The following ERI1 variants were observed in gnomAD, a reference collection of about 807,000 sequenced individuals.
ERI1 encodes the protein 3'-5' exoribonuclease 1.
A neutral mutation model predicts 39.7 loss-of-function variants in ERI1; 39 were observed. That is an observed-to-expected ratio of 0.98 (90% CI 0.76 to 1.28). The LOEUF (loss-of-function observed/expected upper bound fraction) is 1.28. Ranked by LOEUF, ERI1 falls within the 50% of genes most tolerant of loss-of-function variation. ERI1 has a pLI of 0.00. For synonymous variants in ERI1, 204 were observed against 149.6 expected, an observed-to-expected ratio of 1.36 and a Z score of -2.65; for missense variants, 581 against 416.9, an observed-to-expected ratio of 1.39 and a Z score of -3.43.
At chr8:9,066,922 C>T (rs1000771137) in intron 3 of ERI1, among the ~76,000 whole-genome samples, 8 of 152,000 alleles carry the variant, frequency 5.3e-5, no homozygotes, top group Admixed American at 6.6e-5. Flanking sequence ...GAAGCACGAA[C>T]GGTGACAGTC....
At chr8:9,084,499 A>C (rs934417141) in intron 3 of ERI1, among the ~76,000 whole-genome samples, 5 of 151,966 alleles carry the variant, frequency 3.3e-5, no homozygotes, top group African/African-American at 4.8e-5. Context: ...CAAATCCCCA[A>C]ATTTGCATTT....
In ERI1 at chr8:9,032,843, G is replaced by C. The variant is rs1322755653; in HGVS notation, c.*2809G>C. The C allele has an allele frequency of 1.3e-5, 2 of 152,188 alleles. No homozygotes were observed. Among genetic ancestry groups the C allele is most frequent in the Non-Finnish European group, 2.9e-5 (2 of 68,034 alleles). The allele number at this position is 152,188 out of a possible 1,614,324, so 9.4% of individuals were successfully genotyped here. A position where few individuals can be genotyped will look rare whatever the true frequency, so the allele number is the denominator to read the frequency against. ...GCTGTAGTTGCCAAAGAAACTACCT[G>C]CCTCACAGATGAGCACGCACGGGTG... On this transcript the variant is annotated 3_prime_UTR_variant, in exon 7 of 7. Coordinates refer to ENST00000250263, the MANE Select transcript of ERI1 (RefSeq NM_153332.4).
intron 2 of ERI1, among the ~76,000 whole-genome samples, chr8:9,009,611 C>G (rs1236817537): frequency 6.6e-6 from 1 of 150,706 alleles, no homozygotes; most frequent in African/African-American, 2.4e-5. Flanking sequence ...GTGATCTCGG[C>G]TCACTGCAAC....
rs140416858 is a variant in ERI1 at position 9,077,983 on chromosome 8, T to G, written n.300-38365T>G. On this transcript the variant is annotated intron_variant and non_coding_transcript_variant, in intron 3 of 3. Coordinates refer to the ERI1 transcript ENST00000518663. ...CTTGGTGACACTGATCCAGCCTATCTTTTTTTCTTTTTTCTTTTTCTTTTG... is the reference window on the plus strand; with the variant it reads ...CTTGGTGACACTGATCCAGCCTATCGTTTTTTCTTTTTTCTTTTTCTTTTG... 2.4e-3 allele frequency among the ~76,000 whole-genome samples: 363 copies of G among 152,294 alleles called. 2 individuals are homozygous for G. The highest frequency in any genetic ancestry group is 3.7e-3 in the Non-Finnish European group (253 of 68,018).
chr8:9,060,832 C>T (rs942651766), intron 3 of ERI1, among the ~76,000 whole-genome samples: 3 of 152,120 alleles, frequency 2.0e-5, no homozygotes, highest in African/African-American at 7.2e-5. Context: ...GGATCTGATG[C>T]GTTTTGATGC....
chr8:9,049,597 G>C (rs1227331451), intron 3 of ERI1, among the ~76,000 whole-genome samples: 2 of 151,718 alleles, frequency 1.3e-5, no homozygotes, highest in African/African-American at 4.8e-5. Context: ...GCCTAACAGT[G>C]AGTCCCAATA....
At chr8:9,004,888 A>G (rs979626314) in intron 1 of ERI1, among the ~76,000 whole-genome samples, 1 of 151,926 alleles carries the variant, frequency 6.6e-6, no homozygotes, top group Non-Finnish European at 1.5e-5. Context: ...GGGTTTCACC[A>G]TGTTGGCCAT....
intron 3 of ERI1, among the ~76,000 whole-genome samples, chr8:9,053,566 C>G (rs1460948571): frequency 6.6e-6 from 1 of 152,292 alleles, no homozygotes; most frequent in Non-Finnish European, 1.5e-5. Context: ...CAATACAGTG[C>G]TTTGTTGAGT....
intron 3 of ERI1, among the ~76,000 whole-genome samples, chr8:9,076,531 A>G (rs1357030106): frequency 6.6e-6 from 1 of 152,222 alleles, no homozygotes; most frequent in Non-Finnish European, 1.5e-5. Flanking sequence ...AAGTACTCCC[A>G]ATAAAGTTAC....
intron 3 of ERI1, among the ~76,000 whole-genome samples, chr8:9,095,161 G>C (rs913770068): frequency 1.3e-5 from 2 of 152,190 alleles, no homozygotes; most frequent in African/African-American, 4.8e-5. Context: ...CTGGCACGCT[G>C]TAGGGCTTCA....
At position 9,020,333 on chromosome 8, in the gene ERI1, C is replaced by G. The variant is rs770485331; in HGVS notation, c.693-17C>G. 4 of 1,441,326 alleles carry G rather than the reference C, an allele frequency of 2.8e-6. No individual in the cohort carries two copies. Among genetic ancestry groups the G allele is most frequent in the South Asian group, 1.4e-5 (1 of 73,454 alleles). The allele number at this position is 1,441,326 out of a possible 1,614,324, so 89.3% of individuals were successfully genotyped here. A position where few individuals can be genotyped will look rare whatever the true frequency, so the allele number is the denominator to read the frequency against. On this transcript the variant is annotated splice_polypyrimidine_tract_variant and intron_variant, in intron 5 of 6. Coordinates refer to ENST00000250263, the MANE Select transcript of ERI1 (RefSeq NM_153332.4). ...AGCGTTTATTTCATCAATTTTTTGT[C>G]CTTTTTTAATTTATAGTTCTTGGGA...
At position 9,070,236 on chromosome 8, in the gene ERI1, C is replaced by CA. The variant is rs112125195; in HGVS notation, n.300-46101dup. On this transcript the variant is annotated intron_variant and non_coding_transcript_variant, in intron 3 of 3. Coordinates refer to the ERI1 transcript ENST00000518663. ...CCTGGGTGAGAGTGAGACGCTGTCT[C>CA]AAAAAAAAAAACAAAACACCAAACC... Among the ~76,000 whole-genome samples, 666 of 119,146 alleles carry CA rather than the reference C, an allele frequency of 5.6e-3. 1 individual carries two copies. The highest frequency in any genetic ancestry group is 8.9e-3 in the Admixed American group (106 of 11,920). 78.2% of individuals were successfully genotyped at this position (119,146 alleles called of 152,430 possible). A position where few individuals can be genotyped will look rare whatever the true frequency, so the allele number is the denominator to read the frequency against.
chr8:9,097,928 T>C (rs1563104341), intron 3 of ERI1, among the ~76,000 whole-genome samples: 1 of 152,192 alleles, frequency 6.6e-6, no homozygotes, highest in African/African-American at 2.4e-5. Flanking sequence ...CACCATGGAA[T>C]ACTACTCAGT....
intron 3 of ERI1, among the ~76,000 whole-genome samples, chr8:9,095,521 T>TG (rs1799849879): frequency 6.6e-6 from 1 of 151,672 alleles, no homozygotes. Context: ...TTTGTTTGTT[T>TG]TTGAGATGGG....
intron 5 of ERI1, 28 bp downstream of exon 5, chr8:9,018,434 A>T: frequency 7.8e-7 from 1 of 1,284,260 alleles, no homozygotes; most frequent in Non-Finnish European, 1.1e-6. Context: ...TTATTTTTTT[A>T]TATCTACTTT....
At chr8:9,039,782 C>G (rs1027658732) in intron 3 of ERI1, among the ~76,000 whole-genome samples, 1 of 152,050 alleles carries the variant, frequency 6.6e-6, no homozygotes, top group African/African-American at 2.4e-5. Flanking sequence ...TATCTAGAAC[C>G]TAATTTATTT....
chr8:9,080,391 C>A (rs1799332589), intron 3 of ERI1, among the ~76,000 whole-genome samples: 1 of 152,196 alleles, frequency 6.6e-6, no homozygotes, highest in Non-Finnish European at 1.5e-5. Context: ...TGTGATGAGT[C>A]TGCCCTCTGA....
At position 9,073,132 on chromosome 8, in the gene ERI1, T is replaced by A. The variant is rs530165416; in HGVS notation, n.300-43216T>A. The stretch of plus-strand genomic sequence containing the variant: ...TGCTGTCAGTCAGTTTGAATCTTGG[T>A]TGCCTTCTCAGCCATAAACTTTATC... On this transcript the variant is annotated intron_variant and non_coding_transcript_variant, in intron 3 of 3. Coordinates refer to the ERI1 transcript ENST00000518663. 7.7e-4 allele frequency among the ~76,000 whole-genome samples: 117 copies of A among 152,374 alleles called. 1 individual carries two copies. The highest frequency in any genetic ancestry group is 2.7e-3 in the African/African-American group (112 of 41,592).
chr8:9,002,996 C>T lies in ERI1; in HGVS notation c.-68C>T. ...TTTCAACGGAGAAAGGCGAGGCTTT[C>T]GGGCTCTGCAGAGTGAGAGTTAGCA... On this transcript the variant is annotated 5_prime_UTR_variant, in exon 1 of 7. Coordinates refer to ENST00000250263, the MANE Select transcript of ERI1 (RefSeq NM_153332.4). 2 of 1,070,518 alleles carry T rather than the reference C, an allele frequency of 1.9e-6. No individual in the cohort carries two copies. The highest frequency in any genetic ancestry group is 4.8e-5 in the South Asian group (1 of 20,666). 66.3% of individuals were successfully genotyped at this position (1,070,518 alleles called of 1,614,324 possible).
Sources: allele counts gnomAD v4.1 joint callset (sites outside exome capture counted in the v4.1 genomes callset), GRCh38; gene constraint gnomAD v4.1.1; transcripts MANE v1.5; gene names NCBI Gene and HGNC (gene_info 2026-07-23, HGNC 2026-07-21).